Variants in ZFP64 observed in about 807,000 individuals in gnomAD.
The protein encoded by ZFP64 is ZFP64 zinc finger protein.
In ZFP64, 14 loss-of-function variants were observed where a neutral mutation model predicts 51.6. The ratio of observed to expected loss-of-function variants is 0.27; its 90% CI spans 0.18 to 0.42. The LOEUF (loss-of-function observed/expected upper bound fraction) is 0.42. ZFP64 is among the 10% of genes least tolerant of loss of function. ZFP64 has a pLI of 1.00. For missense variants in ZFP64, 754 were observed against 906.8 expected, an observed-to-expected ratio of 0.83 and a Z score of 2.16; for synonymous variants, 375 against 361.4, an observed-to-expected ratio of 1.04 and a Z score of -0.43.
chr20:52,117,139 C>T (rs1237632781), intron 5 of ZFP64, among the ~76,000 whole-genome samples: 2 of 152,172 alleles, frequency 1.3e-5, no homozygotes, highest in Non-Finnish European at 2.9e-5. Flanking sequence ...GCTTGCACTG[C>T]TTTCCTGATT....
At chr20:52,110,356 G>T (rs7273444) in intron 5 of ZFP64, 90,577 of 512,486 alleles carry the variant, frequency 0.18, 9,019 homozygotes, top group Non-Finnish European at 0.21. Context: ...ACAACTCCTC[G>T]TTCTCAGCCC....
At chr20:52,122,497 C>A (rs2122854979) in intron 5 of ZFP64, among the ~76,000 whole-genome samples, 1 of 104,922 alleles carries the variant, frequency 9.5e-6, no homozygotes, top group South Asian at 3.1e-4. Context: ...CAGTGAGACT[C>A]CGTCTCAAAA....
chr20:52,174,482 CAAAAAAAAA>C (rs386393988), intron 2 of ZFP64, among the ~76,000 whole-genome samples: 2 of 56,026 alleles, frequency 3.6e-5, no homozygotes, highest in Admixed American at 4.1e-4. Context: ...GGCTCCATCT[CAAAAAAAAA>C]AAAAAAAAAA....
chr20:52,165,473 T>A (rs895679800), intron 3 of ZFP64: 14 of 464,156 alleles, frequency 3.0e-5, no homozygotes, highest in Non-Finnish European at 5.2e-5. Context: ...ATGAAGGGCA[T>A]ACAGGGATTT....
intron 5 of ZFP64, 139 bp downstream of exon 5, chr20:52,159,984 A>ACG: frequency 6.8e-7 from 1 of 1,477,612 alleles, no homozygotes; most frequent in Non-Finnish European, 9.1e-7. Flanking sequence ...CAACAACAAA[A>ACG]AAAAACAAAA....
At chr20:52,113,283 G>A (rs568642598) in intron 5 of ZFP64, among the ~76,000 whole-genome samples, 270 of 151,838 alleles carry the variant, frequency 1.8e-3, no homozygotes, top group African/African-American at 6.5e-3. Flanking sequence ...GCAGTGAGCC[G>A]CGAATGCGCC....
chr20:52,091,372 G>GA (rs377757445), intron 7 of ZFP64, among the ~76,000 whole-genome samples: 3 of 151,874 alleles, frequency 2.0e-5, no homozygotes, highest in Admixed American at 1.3e-4. Flanking sequence ...GTTAAATTAA[G>GA]AAAAAAAGCC....
intron 6 of ZFP64, chr20:52,097,438 A>T: frequency 6.3e-7 from 1 of 1,595,094 alleles, no homozygotes; most frequent in Non-Finnish European, 8.5e-7. Flanking sequence ...GTGGCAACCT[A>T]GAAAAGAAAA....
intron 1 of ZFP64, among the ~76,000 whole-genome samples, chr20:52,190,464 T>C (rs996871582): frequency 2.0e-5 from 3 of 152,162 alleles, no homozygotes; most frequent in Non-Finnish European, 4.4e-5. Flanking sequence ...ATGGTTTTTG[T>C]TTGTTTTTAA....
At chr20:52,165,333 G>C (rs931271844) in intron 3 of ZFP64, 1 of 456,134 alleles carries the variant, frequency 2.2e-6, no homozygotes, top group Non-Finnish European at 4.4e-6. Flanking sequence ...AAGTATTTAG[G>C]AATAAAGGGG....
intron 8 of ZFP64, among the ~76,000 whole-genome samples, chr20:52,086,646 T>G (rs980040537): frequency 6.6e-6 from 1 of 151,828 alleles, no homozygotes; most frequent in African/African-American, 2.4e-5. Context: ...CCCAGCTAAT[T>G]TTTTTGTATT....
downstream of ZFP64, among the ~76,000 whole-genome samples, chr20:52,149,932 G>T (rs1980706851): frequency 6.6e-6 from 1 of 152,160 alleles, no homozygotes; most frequent in African/African-American, 2.4e-5. Context: ...ATAGGGGCCA[G>T]GTACGGTGGC....
intron 2 of ZFP64, among the ~76,000 whole-genome samples, chr20:52,182,754 G>A (rs1408569967): frequency 6.6e-6 from 1 of 151,994 alleles, no homozygotes; most frequent in African/African-American, 2.4e-5. Context: ...AAAAAACTAG[G>A]AGGACAAAAA....
chr20:52,136,345 A>G (rs894341633), intron 5 of ZFP64, among the ~76,000 whole-genome samples: 2 of 152,144 alleles, frequency 1.3e-5, no homozygotes, highest in Non-Finnish European at 2.9e-5. Context: ...AAGTGATTCC[A>G]TAATTGGGAA....
At position 52,144,576 on chromosome 20, in the gene ZFP64, C is replaced by T. The variant is rs1240486619; in HGVS notation, c.763+15547G>A. Among the ~76,000 whole-genome samples, 11 of 6,550 alleles carry T rather than the reference C, an allele frequency of 1.7e-3. No homozygotes were observed. The South Asian group carries it at 0.024, about 15-fold the overall frequency. 4.3% of individuals were successfully genotyped at this position (6,550 alleles called of 152,430 possible). A position where few individuals can be genotyped will look rare whatever the true frequency, so the allele number is the denominator to read the frequency against. On this transcript the variant is annotated intron_variant, in intron 5 of 8. Transcript: ENST00000361387. Reference sequence around the variant, plus strand: ...GCCTGGTGACAGAGCGAGACTCCGTCTCAAAAAAAAAAAAAAAAAAAAAAA... The same window carrying T: ...GCCTGGTGACAGAGCGAGACTCCGTTTCAAAAAAAAAAAAAAAAAAAAAAA...
At chr20:52,087,663 G>C (rs1403558029) in intron 8 of ZFP64, among the ~76,000 whole-genome samples, 4 of 152,180 alleles carry the variant, frequency 2.6e-5, no homozygotes, top group African/African-American at 9.7e-5. Flanking sequence ...CCTGCTACTG[G>C]GTTGGTTGGG....
chr20:52,126,271 G>C (rs1418056574), intron 5 of ZFP64, among the ~76,000 whole-genome samples: 1 of 152,140 alleles, frequency 6.6e-6, no homozygotes, highest in Non-Finnish European at 1.5e-5. Flanking sequence ...CCCCATTATA[G>C]AGAAGAAGAA....
At chr20:52,185,668 C>T (rs1181821696) in intron 2 of ZFP64, among the ~76,000 whole-genome samples, 1 of 149,716 alleles carries the variant, frequency 6.7e-6, no homozygotes, top group Admixed American at 6.7e-5. Context: ...GCAACCTCTG[C>T]CTCCTGGGTT....
At chr20:52,084,304 C>T (rs1424212588) in exon 9 of ZFP64, 2 of 510,120 alleles carry the variant, frequency 3.9e-6, no homozygotes, top group Non-Finnish European at 3.5e-6. Flanking sequence ...CAGACCCCGC[C>T]TTTGAATGAA....
Sources: gnomAD v4.1 joint callset for allele counts (sites outside exome capture counted in the v4.1 genomes callset) on GRCh38, gnomAD v4.1.1 for gene constraint, MANE v1.5 for transcripts, NCBI Gene and HGNC (gene_info 2026-07-23, HGNC 2026-07-21) for gene names.